Variants in HPSE observed in about 807,000 individuals in gnomAD.
The protein encoded by HPSE is endo-glucoronidase.
A neutral mutation model predicts 65.1 loss-of-function variants in HPSE; 48 were observed. The ratio of observed to expected loss-of-function variants is 0.74; its 90% CI spans 0.58 to 0.94. HPSE has a LOEUF of 0.94. HPSE is among the 40% of genes least tolerant of loss of function. The probability of loss-of-function intolerance (pLI) is 0.00; values close to 1 mark genes in which losing one functional copy is unlikely to be tolerated. For missense variants in HPSE, 644 were observed against 637.5 expected (o/e 1.01, Z -0.11); for synonymous variants, 243 against 260.0 (o/e 0.93, Z 0.63).
At chr4:83,320,565 CAA>C (rs904935247) in intron 2 of HPSE, among the ~76,000 whole-genome samples, 32 of 122,896 alleles carry the variant, frequency 2.6e-4, no homozygotes, top group Admixed American at 5.9e-4. Context: ...GACCCTGTCT[CAA>C]AAAAAAAAAA....
intron 1 of HPSE, among the ~76,000 whole-genome samples, chr4:83,325,745 A>T (rs4693610): frequency 0.97 from 148,196 of 152,310 alleles, 72,231 homozygotes; most frequent in East Asian, 1. Flanking sequence ...AGGGGGTTGG[A>T]TAGAGAAGGT....
intron 1 of HPSE, among the ~76,000 whole-genome samples, chr4:83,325,133 GT>G (rs1737095234): frequency 7.8e-4 from 14 of 17,878 alleles, no homozygotes; most frequent in Admixed American, 6.9e-3. Flanking sequence ...ACAACTTGGT[GT>G]GTGTGTGTGT....
At position 83,322,247 on chromosome 4, in the gene HPSE, T is replaced by G. The variant is rs761404596; in HGVS notation, c.345A>C (p.Arg115Ser). ...GGTTGACTTGAGATTGCCAGTAACT[T>G]CTCTCTTCAAAGGTTGATTCCTTCT... ...DPKKESTFEERSYWQSQVNQD... is the reference protein window; with the variant it reads ...DPKKESTFEESSYWQSQVNQD... Residue 115 changes from arginine (R) to serine (S), a missense_variant, in exon 2 of 12, where the codon AGA (arginine) becomes AGC (serine). Coordinates refer to ENST00000311412, the MANE Select transcript of HPSE (RefSeq NM_001098540.3). The G allele has an allele frequency of 1.9e-5, 30 of 1,613,682 alleles. No homozygotes were observed. The highest frequency in any genetic ancestry group is 2.5e-5 in the Non-Finnish European group (29 of 1,179,834).
intron 1 of HPSE, among the ~76,000 whole-genome samples, chr4:83,323,155 T>C (rs1736991819): frequency 6.6e-6 from 1 of 151,904 alleles, no homozygotes; most frequent in Admixed American, 6.6e-5. Flanking sequence ...TACCAGGGGC[T>C]GGGGGTGGAA....
chr4:83,322,226 G>T lies in HPSE; in HGVS notation c.366C>A (p.Val122=). The part of the protein sequence containing the change: ...FEERSYWQSQ[V]NQDICKYGSI... ...ATCTTTAAAAATTTTCACCCTGGTTGACTTGAGATTGCCAGTAACTTCTCT... is the reference window on the plus strand; with the variant it reads ...ATCTTTAAAAATTTTCACCCTGGTTTACTTGAGATTGCCAGTAACTTCTCT... The change falls in exon 2 of 12, where the codon GTC becomes GTA. Residue 122 remains valine, a synonymous_variant. Transcript: ENST00000311412. The T allele has an allele frequency of 6.2e-7, 1 of 1,612,870 alleles. No homozygotes were observed. The highest frequency in any genetic ancestry group is 1.1e-5 in the South Asian group (1 of 90,774).
intron 3 of HPSE, among the ~76,000 whole-genome samples, chr4:83,316,482 T>C (rs1736647095): frequency 6.6e-6 from 1 of 152,166 alleles, no homozygotes. Context: ...AGTGGAGAGA[T>C]CCTTGGAATG....
At position 83,308,312 on chromosome 4, in the gene HPSE, A is replaced by G. The variant is rs148481456; in HGVS notation, c.1091+533T>C. 2.3e-3 allele frequency among the ~76,000 whole-genome samples: 351 copies of G among 152,290 alleles called. 2 individuals carry two copies. The highest frequency in any genetic ancestry group is 7.8e-3 in the African/African-American group (325 of 41,574). ...TCCCAGCTACTCAGGACGCTGAGGC[A>G]GGAGAATCGCTTCAATCCGGGAGGC... On this transcript the variant is annotated intron_variant, in intron 8 of 11. Coordinates refer to ENST00000311412, the MANE Select transcript of HPSE (RefSeq NM_001098540.3).
In HPSE at chr4:83,295,456, G is replaced by T; in HGVS notation, c.1520C>A (p.Thr507Asn). The T allele has an allele frequency of 6.2e-7, 1 of 1,612,764 alleles. No individual in the cohort carries two copies. Among genetic ancestry groups the T allele is most frequent in the Non-Finnish European group, 8.5e-7 (1 of 1,179,130 alleles). ...AGGTTTTTCCATTAAAGGTGGCAAGGTTTGATCATCCACCATCTTTAGAGT... is the reference window on the plus strand; with the variant it reads ...AGGTTTTTCCATTAAAGGTGGCAAGTTTTGATCATCCACCATCTTTAGAGT... ...GLTLKMVDDQ[T>N]LPPLMEKPLR... is the part of the protein sequence containing the mutation. The change falls in exon 12 of 12, where the codon ACC becomes AAC. Residue 507 changes from threonine to asparagine, a missense_variant. Coordinates refer to ENST00000311412, the MANE Select transcript of HPSE (RefSeq NM_001098540.3).
rs1299443258 is a variant in HPSE at position 83,326,568 on chromosome 4, G to A, written c.228-4204C>T. Among the ~76,000 whole-genome samples, 3 of 152,160 alleles carry A rather than the reference G, an allele frequency of 2.0e-5. No homozygotes were observed. Among genetic ancestry groups the A allele is most frequent in the Non-Finnish European group, 4.4e-5 (3 of 68,030 alleles). On this transcript the variant is annotated intron_variant, in intron 1 of 11. Coordinates refer to ENST00000311412, the MANE Select transcript of HPSE (RefSeq NM_001098540.3). The surrounding 1 kb of genome is among the most constrained non-coding windows in gnomAD (Gnocchi z 4.2). ...CATACTTCCATCCATCAGGCGCTTCGCCCTGTGTGTCTGGAACTCAGGAGA... is the reference window on the plus strand; with the variant it reads ...CATACTTCCATCCATCAGGCGCTTCACCCTGTGTGTCTGGAACTCAGGAGA...
intron 11 of HPSE, among the ~76,000 whole-genome samples, chr4:83,296,976 A>G (rs567055345): frequency 6.6e-6 from 1 of 152,360 alleles, no homozygotes; most frequent in South Asian, 2.1e-4. Context: ...GACCGCATAT[A>G]TAAGTGTGGT....
In HPSE at chr4:83,305,749, T is replaced by C. The variant is rs201757535; in HGVS notation, c.1206+454A>G. ...AATATCTTGAAGATTATTAACAACA[T>C]AGTAAATTCTTAGCATGAGATTTTT... is the stretch of plus-strand genomic sequence containing the variant. On this transcript the variant is annotated intron_variant, in intron 9 of 11. Transcript: ENST00000311412. Among the ~76,000 whole-genome samples, 4 of 152,314 alleles carry C rather than the reference T, an allele frequency of 2.6e-5. No individual in the cohort carries two copies. In the East Asian group the frequency reaches 7.7e-4, roughly 29 times the overall value.
Position 83,326,942 on chromosome 4 carries a change from C to T in HPSE, c.228-4578G>A, listed in dbSNP as rs1363463323. Reference sequence around the variant, plus strand: ...ATCTGTGAGTGACCTGGGTCACAGCCTGGTCCTTAGAGGTACAAACTGTAC... The same window carrying T: ...ATCTGTGAGTGACCTGGGTCACAGCTTGGTCCTTAGAGGTACAAACTGTAC... On this transcript the variant is annotated intron_variant, in intron 1 of 11. Transcript: ENST00000311412. This position sits in a 1 kb window ranked among gnomAD's most constrained non-coding sequence, Gnocchi z 4.2. 6.6e-6 allele frequency among the ~76,000 whole-genome samples: 1 copy of T among 152,222 alleles called. No homozygotes were observed. The highest frequency in any genetic ancestry group is 1.9e-4 in the East Asian group (1 of 5,196).
chr4:83,308,781 A>G, intron 8 of HPSE, 64 bp downstream of exon 8: 4 of 1,243,028 alleles, frequency 3.2e-6, no homozygotes, highest in Non-Finnish European at 4.7e-6. Context: ...GAGCTATTTC[A>G]GCAGAATAGA....
At chr4:83,299,363 CAAAAAAAAAAAAA>C (rs757562812) in intron 11 of HPSE, among the ~76,000 whole-genome samples, 1,025 of 91,020 alleles carry the variant, frequency 0.011, 15 homozygotes, top group African/African-American at 0.041. Flanking sequence ...GACTCTGTCT[CAAAAAAAAAAAAA>C]AAAAAAAAAA....
intron 2 of HPSE, 30 bp from the exon 3 acceptor site, chr4:83,319,499 C>T: frequency 6.2e-7 from 1 of 1,604,246 alleles, no homozygotes; most frequent in South Asian, 1.1e-5. Flanking sequence ...TTTAGAAGGT[C>T]TGTTTTCACA....
At position 83,302,856 on chromosome 4, in the gene HPSE, T is replaced by C. The variant is rs145994882; in HGVS notation, c.1207-588A>G. Among the ~76,000 whole-genome samples the C allele has an allele frequency of 3.3e-3, 498 of 152,186 alleles. 5 individuals carry two copies. The highest frequency in any genetic ancestry group is 0.012 in the African/African-American group (484 of 41,518). On this transcript the variant is annotated intron_variant, in intron 9 of 11. Transcript: ENST00000311412. Reference sequence around the variant, plus strand: ...CAGGTGTGGTGGTGTGCACCTGTAGTTCCAGGTACCCAGGAGGCTGAGGTG... The same window carrying C: ...CAGGTGTGGTGGTGTGCACCTGTAGCTCCAGGTACCCAGGAGGCTGAGGTG...
At chr4:83,315,422 A>G (rs559316729) in intron 3 of HPSE, among the ~76,000 whole-genome samples, 1 of 151,962 alleles carries the variant, frequency 6.6e-6, no homozygotes, top group Non-Finnish European at 1.5e-5. Context: ...CTCCACCCTC[A>G]TTTTTCTAGG....
intron 2 of HPSE, among the ~76,000 whole-genome samples, chr4:83,320,027 C>CT (rs1364401511): frequency 5.4e-5 from 2 of 36,882 alleles, no homozygotes; most frequent in African/African-American, 1.4e-4. Context: ...GAGACACTGT[C>CT]TAAAAAAAAA....
intron 4 of HPSE, 78 bp downstream of exon 4, chr4:83,313,036 A>AT (rs1406215439): frequency 9.7e-7 from 1 of 1,025,930 alleles, no homozygotes; most frequent in Non-Finnish European, 1.4e-6. Context: ...AAAAAAAAAA[A>AT]AAAAAGAAAA....
Sources: gnomAD v4.1 joint callset for allele counts (sites outside exome capture counted in the v4.1 genomes callset) on GRCh38, gnomAD v4.1.1 for gene constraint, Gnocchi (gnomAD v3.1) non-coding constraint, MANE v1.5 for transcripts, NCBI Gene and HGNC (gene_info 2026-07-23, HGNC 2026-07-21) for gene names.